The following GFOD1 variants were observed in gnomAD, a reference collection of about 807,000 sequenced individuals.
GFOD1 encodes glucose-fructose oxidoreductase domain-containing protein 1.
In GFOD1, 9 loss-of-function variants were observed where a neutral mutation model predicts 25.4. The ratio of observed to expected loss-of-function variants is 0.35; its 90% CI spans 0.21 to 0.62. GFOD1 has a LOEUF of 0.62. Ranked by LOEUF, GFOD1 falls within the 20% of genes least tolerant of loss-of-function variation. GFOD1 has a pLI of 0.72. For missense variants in GFOD1, 403 were observed against 556.9 expected (o/e 0.72, Z 2.78); for synonymous variants, 253 against 245.6 (o/e 1.03, Z -0.28).
At chr6:13,436,510 T>G (rs557154499) in intron 1 of GFOD1, among the ~76,000 whole-genome samples, 6 of 152,262 alleles carry the variant, frequency 3.9e-5, no homozygotes, top group Admixed American at 6.5e-5. Flanking sequence ...TATCAGCATA[T>G]GCAAATCTAA....
At chr6:13,411,528 G>A (rs1327421823) in intron 1 of GFOD1, among the ~76,000 whole-genome samples, 2 of 152,142 alleles carry the variant, frequency 1.3e-5, no homozygotes, top group East Asian at 3.9e-4. Flanking sequence ...CTGACCTCAA[G>A]TGATCCACCT....
At chr6:13,404,968 G>T (rs1222060919) in intron 1 of GFOD1, among the ~76,000 whole-genome samples, 1 of 152,022 alleles carries the variant, frequency 6.6e-6, no homozygotes, top group Non-Finnish European at 1.5e-5. Context: ...TCTCTCCCCA[G>T]TGCACCACAA....
In GFOD1 at chr6:13,440,278, C is replaced by T. The variant is rs574289674; in HGVS notation, c.253+46360G>A. ...GATCTCAGTTGGCTGCAACCTCTGC[C>T]GCCAGGTTCAAGCAATTCTTCTGCC... On this transcript the variant is annotated intron_variant, in intron 1 of 1. Transcript: ENST00000379287. Among the ~76,000 whole-genome samples, 8 of 152,060 alleles carry T rather than the reference C, an allele frequency of 5.3e-5. No individual in the cohort carries two copies. In the South Asian group the frequency reaches 8.3e-4, roughly 16 times the overall value.
intron 1 of GFOD1, among the ~76,000 whole-genome samples, chr6:13,420,210 C>T (rs73366937): frequency 0.062 from 9,473 of 152,264 alleles, 369 homozygotes; most frequent in Middle Eastern, 0.12. Flanking sequence ...CCTCTAGTTT[C>T]TTTGTATACA....
chr6:13,393,397 A>G (rs1785656045), intron 1 of GFOD1, among the ~76,000 whole-genome samples: 1 of 150,710 alleles, frequency 6.6e-6, no homozygotes, highest in Non-Finnish European at 1.5e-5. Flanking sequence ...AAAAAAGGAA[A>G]GAAGTAAGAA....
chr6:13,465,786 A>T (rs2560751), intron 1 of GFOD1, among the ~76,000 whole-genome samples: 139,764 of 152,166 alleles, frequency 0.92, 65,318 homozygotes, highest in East Asian at 1. Context: ...GGAATGAGAA[A>T]CCTACCAAGG....
intron 1 of GFOD1, among the ~76,000 whole-genome samples, chr6:13,425,532 T>G (rs78354786): frequency 0.022 from 3,334 of 152,310 alleles, 124 homozygotes; most frequent in African/African-American, 0.072. Context: ...TTGAAAATTG[T>G]GAGCTTGTTA....
At chr6:13,470,378 C>A (rs1758473304) in intron 1 of GFOD1, 2 of 1,550,226 alleles carry the variant, frequency 1.3e-6, no homozygotes, top group African/African-American at 2.7e-5. Flanking sequence ...TCCCCGTGGG[C>A]CTCCAGGGAA....
chr6:13,477,504 T>G (rs1758654559), intron 1 of GFOD1, among the ~76,000 whole-genome samples: 1 of 152,038 alleles, frequency 6.6e-6, no homozygotes, highest in African/African-American at 2.4e-5. Flanking sequence ...GGCACTCCTG[T>G]GACCTGCTGC....
chr6:13,404,688 G>A (rs1253254679), intron 1 of GFOD1, among the ~76,000 whole-genome samples: 2 of 152,172 alleles, frequency 1.3e-5, no homozygotes, highest in African/African-American at 4.8e-5. Flanking sequence ...CACAGTGGAG[G>A]CTGCATGCAC....
At chr6:13,442,836 G>A (rs942734996) in intron 1 of GFOD1, among the ~76,000 whole-genome samples, 3 of 152,210 alleles carry the variant, frequency 2.0e-5, no homozygotes, top group African/African-American at 7.2e-5. Context: ...GATGTCCCAG[G>A]AGATGAGTGT....
chr6:13,427,655 A>T (rs767461183), intron 1 of GFOD1, among the ~76,000 whole-genome samples: 1 of 152,218 alleles, frequency 6.6e-6, no homozygotes, highest in Non-Finnish European at 1.5e-5. Flanking sequence ...TGTCTCAAAA[A>T]AAAAGGCTTT....
intron 1 of GFOD1, chr6:13,486,183 C>G (rs1758861830): frequency 1.0e-6 from 1 of 992,270 alleles, no homozygotes; most frequent in South Asian, 4.5e-5. Context: ...TTTATTCAGG[C>G]GTTTCTGGGC....
At chr6:13,425,616 T>C (rs78645685) in intron 1 of GFOD1, among the ~76,000 whole-genome samples, 4,614 of 152,220 alleles carry the variant, frequency 0.03, 242 homozygotes, top group African/African-American at 0.11. Context: ...AGCTTCAAGA[T>C]CTTCATCCCA....
intron 1 of GFOD1, among the ~76,000 whole-genome samples, chr6:13,450,174 C>T (rs1342644347): frequency 6.6e-6 from 1 of 152,134 alleles, no homozygotes; most frequent in African/African-American, 2.4e-5. Context: ...TCTGGCCTCT[C>T]AATGGACAGC....
chr6:13,449,757 C>T (rs180993161), intron 1 of GFOD1, among the ~76,000 whole-genome samples: 64 of 152,256 alleles, frequency 4.2e-4, no homozygotes, highest in African/African-American at 1.4e-3. Context: ...TGCCTTTTGC[C>T]GTCCACCATG....
chr6:13,425,640 C>T (rs920921358), intron 1 of GFOD1, among the ~76,000 whole-genome samples: 4 of 152,178 alleles, frequency 2.6e-5, no homozygotes, highest in African/African-American at 9.7e-5. Context: ...AGCTTCCTCA[C>T]CAGTATACAC....
rs1196702487 is a variant in GFOD1, at chr6:13,481,490, G to A, written c.253+5148C>T. ...GGCAGGGCCATTTCAGGCCAAGAAA[G>A]TCATGCCAAGGAGCTTGGATGTTAT... On this transcript the variant is annotated intron_variant, in intron 1 of 1. Transcript: ENST00000379287. Among the ~76,000 whole-genome samples the A allele has an allele frequency of 3.9e-5, 6 of 152,244 alleles. No individual in the cohort carries two copies. In the East Asian group the frequency reaches 1.2e-3, roughly 29 times the overall value.
chr6:13,486,966 G>A lies in GFOD1; in HGVS notation c.-76C>T. Reference sequence around the variant, plus strand: ...GCGCGCACACACCCACCTCTAGCCAGTCCTGCACCCCGCTCCTGTAGCCAA... The same window carrying A: ...GCGCGCACACACCCACCTCTAGCCAATCCTGCACCCCGCTCCTGTAGCCAA... On this transcript the variant is annotated 5_prime_UTR_variant, in exon 1 of 2. Transcript: ENST00000379287. The A allele has an allele frequency of 6.6e-7, 1 of 1,512,072 alleles. No individual in the cohort carries two copies. Among genetic ancestry groups the A allele is most frequent in the South Asian group, 1.2e-5 (1 of 81,132 alleles). 93.7% of individuals were successfully genotyped at this position (1,512,072 alleles called of 1,614,324 possible).
Sources: allele counts gnomAD v4.1 joint callset (sites outside exome capture counted in the v4.1 genomes callset), GRCh38; gene constraint gnomAD v4.1.1; transcripts MANE v1.5; gene names NCBI Gene and HGNC (gene_info 2026-07-23, HGNC 2026-07-21).